The following MYO1A variants were observed in gnomAD, a reference collection of about 807,000 sequenced individuals.
The protein encoded by MYO1A is unconventional myosin-Ia.
A neutral mutation model predicts 138.5 loss-of-function variants in MYO1A; 127 were observed. That is an observed-to-expected ratio of 0.92 (90% CI 0.79 to 1.06). The LOEUF is 1.06. Ranked by LOEUF, MYO1A falls within the 50% of genes least tolerant of loss-of-function variation. The pLI, the probability that MYO1A is intolerant of heterozygous loss-of-function variation, is 0.00. For synonymous variants in MYO1A, 477 were observed against 497.5 expected (o/e 0.96, Z 0.55); for missense variants, 1,211 against 1,288.8 (o/e 0.94, Z 0.92).
chr12:57,028,736 T>C lies in MYO1A; in HGVS notation c.*19A>G, dbSNP rs201677711. On this transcript the variant is annotated 3_prime_UTR_variant, in exon 28 of 28. Coordinates refer to ENST00000300119, the MANE Select transcript of MYO1A (RefSeq NM_005379.4). Reference sequence around the variant, plus strand: ...GGTTCAGGAGGAAGCAACTGCCATCTCTGCATGGTGCCCCCTCCTCACTGC... The same window carrying C: ...GGTTCAGGAGGAAGCAACTGCCATCCCTGCATGGTGCCCCCTCCTCACTGC... 7.6e-4 allele frequency: 1,229 copies of C among 1,613,684 alleles called. 6 individuals are homozygous for C. Among genetic ancestry groups the C allele is most frequent in the Middle Eastern group, 5.1e-3 (31 of 6,062 alleles).
chr12:57,031,513 A>G (rs1334106539), intron 22 of MYO1A, among the ~76,000 whole-genome samples: 3 of 152,190 alleles, frequency 2.0e-5, no homozygotes, highest in African/African-American at 7.2e-5. Context: ...TCTGTTCACA[A>G]TTGCCTACAG....
intron 15 of MYO1A, 70 bp from the exon 16 acceptor site, chr12:57,039,079 C>G: frequency 1.3e-6 from 2 of 1,567,712 alleles, no homozygotes; most frequent in Non-Finnish European, 1.7e-6. Flanking sequence ...CTCATTGCTG[C>G]CCCCTTTCTC....
chr12:57,047,412 G>A lies in MYO1A; in HGVS notation c.326-5C>T, dbSNP rs1196597299. Reference sequence around the variant, plus strand: ...ACATCACCAGCTTGCTGGCCTCTGTGCAGGCAAAACGCTCTCATGGGTCCC... The same window carrying A: ...ACATCACCAGCTTGCTGGCCTCTGTACAGGCAAAACGCTCTCATGGGTCCC... On this transcript the variant is annotated splice_polypyrimidine_tract_variant and splice_region_variant and intron_variant, in intron 4 of 27. Coordinates refer to ENST00000300119, the MANE Select transcript of MYO1A (RefSeq NM_005379.4). 6.2e-7 allele frequency: 1 copy of A among 1,613,786 alleles called. No individual in the cohort carries two copies. Among genetic ancestry groups the A allele is most frequent in the Non-Finnish European group, 8.5e-7 (1 of 1,179,824 alleles).
At chr12:57,038,376 A>G in intron 17 of MYO1A, 36 bp downstream of exon 17, 1 of 1,604,618 alleles carries the variant, frequency 6.2e-7, no homozygotes, top group Non-Finnish European at 8.5e-7. Flanking sequence ...GTGCCATCAC[A>G]TATGTAGCAT....
intron 6 of MYO1A, 62 bp downstream of exon 6, chr12:57,046,999 C>A: frequency 6.2e-7 from 1 of 1,610,112 alleles, no homozygotes. Context: ...GGGGTCTGTG[C>A]CACATTCCTC....
chr12:57,044,233 G>T, intron 8 of MYO1A, 24 bp from the exon 9 acceptor site: 1 of 1,594,974 alleles, frequency 6.3e-7, no homozygotes, highest in Non-Finnish European at 8.6e-7. Flanking sequence ...TGTTGGGGAA[G>T]ATGGTTAGTA....
intron 8 of MYO1A, among the ~76,000 whole-genome samples, chr12:57,045,597 G>A (rs764340576): frequency 2.0e-5 from 3 of 152,170 alleles, no homozygotes; most frequent in Non-Finnish European, 4.4e-5. Context: ...GGTTCCTGAA[G>A]ATCACAGAGA....
intron 8 of MYO1A, among the ~76,000 whole-genome samples, chr12:57,044,524 G>T (rs1256081037): frequency 6.6e-6 from 1 of 152,128 alleles, no homozygotes; most frequent in Non-Finnish European, 1.5e-5. Flanking sequence ...GTGTAGCTGG[G>T]ACTATGGGTG....
At chr12:57,047,211 G>T in intron 5 of MYO1A, 92 bp downstream of exon 5, 2 of 1,582,214 alleles carry the variant, frequency 1.3e-6, no homozygotes, top group Non-Finnish European at 8.7e-7. Flanking sequence ...GAACAAGAGA[G>T]GTGATTTTGC....
At position 57,039,013 on chromosome 12, in the gene MYO1A, G is replaced by C. The variant is rs750664290; in HGVS notation, c.1333-4C>G. The C allele has an allele frequency of 3.1e-6, 5 of 1,612,596 alleles. No individual in the cohort carries two copies. The African/African-American group carries it at 6.7e-5, about 22-fold the overall frequency. ...TGGCCAGGATACCTCGCTGATTCTG[G>C]GCCGGGGGAACAAAAGAAGCCCAAC... On this transcript the variant is annotated splice_region_variant and splice_polypyrimidine_tract_variant and intron_variant, in intron 15 of 27. Transcript: ENST00000300119.
At chr12:57,042,622 AT>A (rs796161781) in intron 12 of MYO1A, among the ~76,000 whole-genome samples, 6 of 152,060 alleles carry the variant, frequency 3.9e-5, no homozygotes, top group Admixed American at 1.3e-4. Context: ...TATTTAACTT[AT>A]TTTTTTTCAT....
At chr12:57,045,880 T>G (rs2031071267) in intron 8 of MYO1A, among the ~76,000 whole-genome samples, 1 of 151,272 alleles carries the variant, frequency 6.6e-6, no homozygotes, top group African/African-American at 2.5e-5. Flanking sequence ...TGCACAGGCC[T>G]GATGGCCCCG....
rs551714345 is a variant in MYO1A, at chr12:57,036,268, G to C, written c.2349+39C>G. 3.1e-6 allele frequency: 5 copies of C among 1,596,130 alleles called. No individual in the cohort carries two copies. The African/African-American group carries it at 4.0e-5, about 13-fold the overall frequency. On this transcript the variant is annotated intron_variant, in intron 22 of 27. Transcript: ENST00000300119. ...CCCTCTCCCAAACCTGTGCCTCCCT[G>C]CTCCATCCCTAACATCCACCCTAAC...
intron 22 of MYO1A, 97 bp from the exon 23 acceptor site, chr12:57,031,271 T>G: frequency 6.8e-7 from 1 of 1,466,322 alleles, no homozygotes; most frequent in South Asian, 1.1e-5. Context: ...AGGAGGAAGT[T>G]AACCCACAGT....
chr12:57,039,606 A>T (rs2030766281), intron 14 of MYO1A, among the ~76,000 whole-genome samples: 2 of 152,316 alleles, frequency 1.3e-5, no homozygotes, highest in South Asian at 4.1e-4. Context: ...GGAGTGGGGA[A>T]GGATCCATGC....
chr12:57,036,256 C>T, intron 22 of MYO1A, 51 bp downstream of exon 22: 1 of 1,577,108 alleles, frequency 6.3e-7, no homozygotes, highest in Non-Finnish European at 8.7e-7. Context: ...TCTCCCAAAC[C>T]TGTGCCTCCC....
chr12:57,046,506 T>G, intron 8 of MYO1A, 46 bp downstream of exon 8: 1 of 1,474,314 alleles, frequency 6.8e-7, no homozygotes, highest in Non-Finnish European at 9.5e-7. Flanking sequence ...TTGGGGACTT[T>G]GCCATGTGTC....
rs1392762291 is a variant in MYO1A, at chr12:57,037,554, G to T, written c.2049C>A (p.Pro683=). The T allele has an allele frequency of 6.2e-7, 1 of 1,613,934 alleles. No homozygotes were observed. The highest frequency in any genetic ancestry group is 1.3e-5 in the African/African-American group (1 of 75,010). The change falls in exon 19 of 28, where the codon CCC becomes CCA. Residue 683 remains proline (P), a synonymous_variant. Coordinates refer to ENST00000300119, the MANE Select transcript of MYO1A (RefSeq NM_005379.4). ...FGKTKIFIRS[P]KTLFYLEEQR... is the part of the protein sequence containing the mutation. ...AATGCACTCTCTAACTCACAGTCTT[G>T]GGGCTTCTAATGAAGATCTTTGTCT...
At chr12:57,035,463 G>A (rs887658790) in intron 22 of MYO1A, among the ~76,000 whole-genome samples, 15 of 152,142 alleles carry the variant, frequency 9.9e-5, no homozygotes, top group Admixed American at 9.8e-4. Flanking sequence ...ACAACAAAGA[G>A]GGGCTGCAAG....
Sources: allele counts gnomAD v4.1 joint callset (sites outside exome capture counted in the v4.1 genomes callset), GRCh38; gene constraint gnomAD v4.1.1; transcripts MANE v1.5; gene names NCBI Gene and HGNC (gene_info 2026-07-23, HGNC 2026-07-21).